PABIR3: variants seen among roughly 807,000 people sequenced by gnomAD.
PABIR3 encodes PABIR family member 1.
Under a neutral mutation model 23.1 loss-of-function variants are expected in PABIR3, and 20 were observed. The observed-to-expected ratio is 0.86, with a 90% CI of 0.61 to 1.26. The LOEUF is 1.26. PABIR3 is among the 50% of genes most tolerant of loss of function. The probability of loss-of-function intolerance (pLI) is 0.00; values close to 1 mark genes in which losing one functional copy is unlikely to be tolerated. For synonymous variants in PABIR3, 69 were observed against 68.5 expected, an observed-to-expected ratio of 1.01 and a Z score of -0.04; for missense variants, 189 against 195.4, an observed-to-expected ratio of 0.97 and a Z score of 0.20.
At chrX:134,863,344 T>C in the PABIR3 span, among the ~76,000 whole-genome samples, 1 of 111,705 alleles carries the variant, frequency 9.0e-6, no homozygotes, top group Non-Finnish European at 1.9e-5. Flanking sequence ...TAAGGTTATA[T>C]AGATGGATAA....
At chrX:134,813,764 A>G (rs1276484026) in intron 2 of PABIR3, among the ~76,000 whole-genome samples, 1 of 111,097 alleles carries the variant, frequency 9.0e-6, no homozygotes, top group Non-Finnish European at 1.9e-5. Context: ...CATCTCTGAA[A>G]AAACAATGAA....
chrX:134,807,716 G>A lies in PABIR3; in HGVS notation c.110+8G>A. On this transcript the variant is annotated splice_region_variant and intron_variant, in intron 2 of 10. Transcript: ENST00000645433. The stretch of plus-strand genomic sequence containing the variant: ...TTTGATCAATGGACTTGGGTGAGCC[G>A]GGTTGAGATACTGGAGGAGGCAAGC... 8.6e-7 allele frequency: 1 copy of A among 1,163,532 alleles called. No individual in the cohort carries two copies. Among genetic ancestry groups the A allele is most frequent in the Non-Finnish European group, 1.2e-6 (1 of 865,597 alleles).
At chrX:134,811,177 G>A (rs766948631) in intron 2 of PABIR3, 66 of 745,803 alleles carry the variant, frequency 8.8e-5, no homozygotes, top group African/African-American at 9.3e-5. Context: ...AAATTCCAAC[G>A]TCAAAAGTTT....
intron 4 of PABIR3, among the ~76,000 whole-genome samples, chrX:134,830,568 G>A (rs2081737506): frequency 1.8e-5 from 2 of 109,449 alleles, no homozygotes; most frequent in Admixed American, 2.0e-4. Context: ...CCTGACCTCA[G>A]GTGATCTGCC....
intron 7 of PABIR3, 81 bp from the exon 8 acceptor site, chrX:134,847,802 C>G: frequency 1.3e-6 from 1 of 798,800 alleles, no homozygotes. Context: ...CCCTACCATC[C>G]CTGCCCCTCC....
chrX:134,859,417 T>C (rs1247339781), downstream of PABIR3, among the ~76,000 whole-genome samples: 1 of 111,851 alleles, frequency 8.9e-6, no homozygotes, highest in African/African-American at 3.2e-5. Flanking sequence ...GAATGATTTA[T>C]GATGAAATAT....
the PABIR3 span, among the ~76,000 whole-genome samples, chrX:134,864,026 A>G: frequency 9.0e-6 from 1 of 111,357 alleles, no homozygotes; most frequent in Non-Finnish European, 1.9e-5. Flanking sequence ...TTTTATATTT[A>G]TGCAGCTTTT....
chrX:134,844,154 A>G (rs747581114), intron 4 of PABIR3: 1 of 107,953 alleles, frequency 9.3e-6, no homozygotes, highest in African/African-American at 3.4e-5. Flanking sequence ...CGAACTCCCA[A>G]CCTCAGGTGA....
intron 4 of PABIR3, among the ~76,000 whole-genome samples, chrX:134,838,344 C>T (rs1329571249): frequency 9.2e-5 from 10 of 109,099 alleles, no homozygotes; most frequent in Non-Finnish European, 1.3e-4. Flanking sequence ...AACAGAGTCT[C>T]GCTCTGTCGC....
intron 4 of PABIR3, chrX:134,835,250 A>C (rs936326468): frequency 1.1e-4 from 11 of 103,402 alleles, no homozygotes; most frequent in African/African-American, 3.9e-4. Context: ...TTAAGTAGAG[A>C]GGGGGTTTCA....
intron 4 of PABIR3, among the ~76,000 whole-genome samples, chrX:134,843,171 C>T (rs2082298779): frequency 9.0e-6 from 1 of 110,580 alleles, no homozygotes; most frequent in African/African-American, 3.3e-5. Context: ...TGCACTCTAG[C>T]CTGGCCAACA....
intron 1 of PABIR3, chrX:134,799,746 TGAG>T (rs1328726155): frequency 9.0e-6 from 1 of 110,843 alleles, no homozygotes; most frequent in Non-Finnish European, 1.9e-5. Flanking sequence ...GCGGATGACT[TGAG>T]GTCAGGAGTT....
intron 3 of PABIR3, chrX:134,822,614 C>G: frequency 1.3e-6 from 1 of 749,944 alleles, no homozygotes; most frequent in Non-Finnish European, 1.6e-6. Flanking sequence ...CTTCCCATCC[C>G]TTAGGTATAA....
upstream of PABIR3, among the ~76,000 whole-genome samples, chrX:134,803,324 C>T (rs2080112924): frequency 8.9e-6 from 1 of 111,741 alleles, no homozygotes; most frequent in Admixed American, 9.5e-5. Flanking sequence ...TTCTTCCCCA[C>T]CTGGGGCCCC....
intron 3 of PABIR3, among the ~76,000 whole-genome samples, chrX:134,816,018 T>C (rs1253696074): frequency 8.9e-6 from 1 of 112,291 alleles, no homozygotes; most frequent in East Asian, 2.8e-4. Flanking sequence ...TGTTGAATTA[T>C]TTCAAGTGCT....
intron 3 of PABIR3, 150 bp from the exon 4 acceptor site, chrX:134,829,076 C>A (rs2081641310): frequency 6.5e-6 from 3 of 462,723 alleles, no homozygotes; most frequent in Non-Finnish European, 1.1e-5. Flanking sequence ...CCAGTTGGAT[C>A]TTTTTTTAAC....
chrX:134,811,838 AGTT>A (rs1231017811), intron 2 of PABIR3, among the ~76,000 whole-genome samples: 2 of 112,119 alleles, frequency 1.8e-5, no homozygotes, highest in African/African-American at 6.5e-5. Flanking sequence ...CCATTTGTTT[AGTT>A]GTTATCTATG....
chrX:134,809,624 T>C (rs1603150389), intron 2 of PABIR3: 1 of 747,457 alleles, frequency 1.3e-6, no homozygotes, highest in Non-Finnish European at 1.6e-6. Flanking sequence ...TACTAATTGA[T>C]AGTTGTAATT....
chrX:134,838,234 G>C (rs2082034631), intron 4 of PABIR3, among the ~76,000 whole-genome samples: 1 of 111,697 alleles, frequency 9.0e-6, no homozygotes, highest in African/African-American at 3.3e-5. Flanking sequence ...TCTGTCCCAT[G>C]GGTCTAGATT....
Sources: allele counts gnomAD v4.1 joint callset (sites outside exome capture counted in the v4.1 genomes callset), GRCh38; gene constraint gnomAD v4.1.1; transcripts MANE v1.5; gene names NCBI Gene and HGNC (gene_info 2026-07-23, HGNC 2026-07-21).